The following BDKRB1 variants were observed in gnomAD, a reference collection of about 807,000 sequenced individuals.
BDKRB1 encodes B1 bradykinin receptor.
For synonymous variants in BDKRB1, 192 were observed against 189.1 expected (o/e 1.02, Z -0.13); for missense variants, 414 against 441.4 (o/e 0.94, Z 0.56).
rs2071084 is a variant in BDKRB1, at chr14:96,263,805, A to G, written c.123A>G (p.Pro41=). The change falls in exon 3 of 3, where the codon CCA becomes CCG. Residue 41 remains proline (P), a synonymous_variant. Coordinates refer to ENST00000216629, the MANE Select transcript of BDKRB1 (RefSeq NM_000710.4). ...GGGACCTGCTGCACAGAGTGCTGCC[A>G]ACATTTATCATCTCCATCTGTTTCT... The part of the protein sequence containing the change: ...EAWDLLHRVL[P]TFIISICFFG... 1,366,608 of 1,614,040 alleles carry G rather than the reference A, an allele frequency of 0.85. 579,343 individuals carry two copies. Among genetic ancestry groups the G allele is most frequent in the African/African-American group, 0.92 (68,721 of 75,028 alleles).
chr14:96,256,609 A>G (rs961011162), intron 1 of BDKRB1, among the ~76,000 whole-genome samples: 25 of 152,360 alleles, frequency 1.6e-4, no homozygotes, highest in African/African-American at 6.0e-4. Flanking sequence ...TGCAGCCACC[A>G]GAGTTCGCAT....
In BDKRB1 at chr14:96,263,699, C is replaced by G. The variant is rs1486389648; in HGVS notation, c.17C>G (p.Pro6Arg). The change falls in exon 3 of 3, where the codon CCC becomes CGC. Residue 6 changes from proline (P) to arginine (R), a missense_variant. Coordinates refer to ENST00000216629, the MANE Select transcript of BDKRB1 (RefSeq NM_000710.4). The stretch of plus-strand genomic sequence containing the variant: ...TCACTGTGCATGGCATCATCCTGGC[C>G]CCCTCTAGAGCTCCAATCCTCCAAC... MASSW[P>R]PLELQSSNQS... 1 of 1,613,322 alleles carries G rather than the reference C, an allele frequency of 6.2e-7. No homozygotes were observed. The highest frequency in any genetic ancestry group is 2.2e-5 in the East Asian group (1 of 44,894).
At chr14:96,261,687 G>A (rs1288685959) in intron 1 of BDKRB1, among the ~76,000 whole-genome samples, 2 of 152,204 alleles carry the variant, frequency 1.3e-5, no homozygotes, top group African/African-American at 2.4e-5. Flanking sequence ...TGTTTGCCAC[G>A]TGCTTACAAT....
In BDKRB1 at chr14:96,264,099, G is replaced by A; in HGVS notation, c.417G>A (p.Leu139=). The part of the protein sequence containing the change: ...VAISQDRYRV[L]VHPMASRRQQ... ...TCAGCCAGGACCGCTACCGCGTGCT[G>A]GTGCACCCTATGGCCAGCCGGAGGC... Residue 139 remains leucine, a synonymous_variant, in exon 3 of 3, where the codon CTG becomes CTA. Transcript: ENST00000216629. The A allele has an allele frequency of 6.2e-7, 1 of 1,602,642 alleles. No individual in the cohort carries two copies. The highest frequency in any genetic ancestry group is 1.1e-5 in the South Asian group (1 of 88,212).
intron 1 of BDKRB1, 22 bp from the exon 2 acceptor site, chr14:96,262,624 TTTGTTG>T (rs3073017): frequency 3.6e-4 from 63 of 174,164 alleles, no homozygotes; most frequent in East Asian, 2.3e-3. Context: ...TTTTTTTTTT[TTTGTTG>T]TTGTTGTTGT....
chr14:96,258,940 C>T (rs901703039), intron 1 of BDKRB1, among the ~76,000 whole-genome samples: 1 of 151,544 alleles, frequency 6.6e-6, no homozygotes, highest in African/African-American at 2.4e-5. Context: ...TTGGCTTTCT[C>T]AATTTCATCT....
In BDKRB1 at chr14:96,264,508, T is replaced by C. The variant is rs764543589; in HGVS notation, c.826T>C (p.Phe276Leu). The C allele has an allele frequency of 6.2e-7, 1 of 1,614,150 alleles. No homozygotes were observed. The highest frequency in any genetic ancestry group is 8.5e-7 in the Non-Finnish European group (1 of 1,180,016). Residue 276 changes from phenylalanine to leucine, a missense_variant, in exon 3 of 3, where the codon TTC becomes CTC. Physicochemically the swap from Phe to Leu is conservative, Grantham distance 22 (BLOSUM62 0). Coordinates refer to ENST00000216629, the MANE Select transcript of BDKRB1 (RefSeq NM_000710.4). The part of the protein sequence containing the change: ...YHFFAFLEFL[F>L]QVQAVRGCFW... ...CTTCTTTGCCTTCCTGGAATTCTTATTCCAGGTGCAAGCAGTCCGAGGCTG... is the reference window on the plus strand; with the variant it reads ...CTTCTTTGCCTTCCTGGAATTCTTACTCCAGGTGCAAGCAGTCCGAGGCTG...
intron 1 of BDKRB1, among the ~76,000 whole-genome samples, chr14:96,262,169 A>G (rs1885766267): frequency 6.6e-6 from 1 of 152,240 alleles, no homozygotes; most frequent in Non-Finnish European, 1.5e-5. Context: ...CATGCAGACC[A>G]AGGTTCCTGG....
Position 96,264,151 on chromosome 14 carries a change from A to G in BDKRB1, c.469A>G (p.Thr157Ala), listed in dbSNP as rs903828636. 1.3e-6 allele frequency: 2 copies of G among 1,599,312 alleles called. No homozygotes were observed. Among genetic ancestry groups the G allele is most frequent in the Admixed American group, 3.4e-5 (2 of 59,276 alleles). Reference sequence around the variant, plus strand: ...GCAGCGGCGGAGGCAGGCCCGGGTCACCTGCGTGCTCATCTGGGTTGTGGG... The same window carrying G: ...GCAGCGGCGGAGGCAGGCCCGGGTCGCCTGCGTGCTCATCTGGGTTGTGGG... ...RQQRRRQARV[T>A]CVLIWVVGGL... Residue 157 changes from threonine to alanine, a missense_variant, in exon 3 of 3, where the codon ACC becomes GCC. Physicochemically the swap from Thr to Ala is moderately conservative, Grantham distance 58 (BLOSUM62 0). Coordinates refer to ENST00000216629, the MANE Select transcript of BDKRB1 (RefSeq NM_000710.4).
Position 96,263,885 on chromosome 14 carries a change from A to G in BDKRB1, c.203A>G (p.Gln68Arg), listed in dbSNP as rs1885819033. The G allele has an allele frequency of 1.2e-6, 2 of 1,614,092 alleles. No homozygotes were observed. Among genetic ancestry groups the G allele is most frequent in the Non-Finnish European group, 1.7e-6 (2 of 1,180,052 alleles). ...VLLVFLLPRR[Q>R]LNVAEIYLAN... Reference sequence around the variant, plus strand: ...TTGGTCTTCCTCCTGCCCCGGCGGCAACTGAACGTGGCAGAAATCTACCTG... The same window carrying G: ...TTGGTCTTCCTCCTGCCCCGGCGGCGACTGAACGTGGCAGAAATCTACCTG... Residue 68 changes from glutamine to arginine, a missense_variant, in exon 3 of 3, where the codon CAA becomes CGA. By Grantham distance (43) the Gln-to-Arg change is conservative. Transcript: ENST00000216629.
At position 96,264,448 on chromosome 14, in the gene BDKRB1, G is replaced by A. The variant is rs201208442; in HGVS notation, c.766G>A (p.Val256Met). 35 of 1,614,216 alleles carry A rather than the reference G, an allele frequency of 2.2e-5. No homozygotes were observed. The highest frequency in any genetic ancestry group is 1.4e-4 in the South Asian group (13 of 91,080). The change falls in exon 3 of 3, where the codon GTG becomes ATG. Residue 256 changes from valine to methionine, a missense_variant. Val to Met is a conservative substitution (Grantham distance 21). Transcript: ENST00000216629. The part of the protein sequence containing the change: ...SKTTALILTL[V>M]VAFLVCWAPY... ...GACCACAGCGCTGATCCTCACGCTC[G>A]TGGTTGCCTTCCTGGTCTGCTGGGC...
At chr14:96,260,213 A>G (rs1885713627) in intron 1 of BDKRB1, among the ~76,000 whole-genome samples, 1 of 152,134 alleles carries the variant, frequency 6.6e-6, no homozygotes, top group Non-Finnish European at 1.5e-5. Context: ...TAGTACATAC[A>G]GGGTTTCACC....
Position 96,259,839 on chromosome 14 carries a change from G to A in BDKRB1, c.-129-2813G>A, listed in dbSNP as rs557388058. On this transcript the variant is annotated intron_variant, in intron 1 of 2. Coordinates refer to ENST00000216629, the MANE Select transcript of BDKRB1 (RefSeq NM_000710.4). ...TTGCTTTCTGTGATGTTCTTCTTAT[G>A]GAGCCAACACACAGTCAGCCATCAC... 5 of 152,270 alleles carry A rather than the reference G, an allele frequency of 3.3e-5. No homozygotes were observed. In the South Asian group the frequency reaches 1.0e-3, roughly 32 times the overall value. The allele number at this position is 152,270 out of a possible 1,614,324, so 9.4% of individuals were successfully genotyped here.
chr14:96,264,178 G>A lies in BDKRB1; in HGVS notation c.496G>A (p.Gly166Ser), dbSNP rs1885831971. 3.1e-6 allele frequency: 5 copies of A among 1,607,616 alleles called. No homozygotes were observed. Among genetic ancestry groups the A allele is most frequent in the African/African-American group, 2.7e-5 (2 of 74,928 alleles). The change falls in exon 3 of 3, where the codon GGC (glycine) becomes AGC (serine). Residue 166 changes from glycine to serine, a missense_variant. By Grantham distance (56) the Gly-to-Ser change is moderately conservative (BLOSUM62 0). Coordinates refer to ENST00000216629, the MANE Select transcript of BDKRB1 (RefSeq NM_000710.4). The part of the protein sequence containing the change: ...VTCVLIWVVG[G>S]LLSIPTFLLR... ...CTGCGTGCTCATCTGGGTTGTGGGG[G>A]GCCTCTTGAGCATCCCCACATTCCT...
chr14:96,260,883 A>T (rs1885733410), intron 1 of BDKRB1, among the ~76,000 whole-genome samples: 1 of 152,186 alleles, frequency 6.6e-6, no homozygotes, highest in Admixed American at 6.5e-5. Context: ...GTCCCTGAAT[A>T]CCACACTTGT....
rs769273138 is a variant in BDKRB1 at position 96,264,202 on chromosome 14, C to T, written c.520C>T (p.Leu174=). The change falls in exon 3 of 3, where the codon CTG becomes TTG. Residue 174 remains leucine, a synonymous_variant. Transcript: ENST00000216629. ...VGGLLSIPTF[L]LRSIQAVPDL... is the part of the protein sequence containing the mutation. ...GGGCCTCTTGAGCATCCCCACATTC[C>T]TGCTGCGATCCATCCAAGCCGTCCC... The T allele has an allele frequency of 1.2e-6, 2 of 1,612,790 alleles. No individual in the cohort carries two copies. The highest frequency in any genetic ancestry group is 1.7e-6 in the Non-Finnish European group (2 of 1,179,140).
chr14:96,258,447 G>A (rs951995236), intron 1 of BDKRB1, among the ~76,000 whole-genome samples: 1 of 152,202 alleles, frequency 6.6e-6, no homozygotes, highest in Non-Finnish European at 1.5e-5. Context: ...GGTTCTGAGT[G>A]ATAAGCTCTC....
chr14:96,259,373 A>G (rs1261925436), intron 1 of BDKRB1: 1 of 152,232 alleles, frequency 6.6e-6, no homozygotes, highest in Non-Finnish European at 1.5e-5. Context: ...CTTTATCACA[A>G]GTTTGTAGTT....
Position 96,264,669 on chromosome 14 carries a change from A to G in BDKRB1, c.987A>G (p.Gln329=). The G allele has an allele frequency of 6.2e-7, 1 of 1,614,176 alleles. No individual in the cohort carries two copies. Among genetic ancestry groups the G allele is most frequent in the Non-Finnish European group, 8.5e-7 (1 of 1,180,038 alleles). ...CCAAGGTCTGGGAACTTTATAAACA[A>G]TGCACCCCTAAAAGTCTTGCTCCAA... ...FRTKVWELYK[Q]CTPKSLAPIS... is the part of the protein sequence containing the mutation. The change falls in exon 3 of 3, where the codon CAA becomes CAG. Residue 329 remains glutamine, a synonymous_variant. Transcript: ENST00000216629.
Sources: allele counts gnomAD v4.1 joint callset (sites outside exome capture counted in the v4.1 genomes callset), GRCh38; gene constraint gnomAD v4.1.1; transcripts MANE v1.5; gene names NCBI Gene and HGNC (gene_info 2026-07-23, HGNC 2026-07-21).